SMIM14: variants seen among roughly 807,000 people sequenced by gnomAD.
SMIM14 encodes the protein chromosome 4 open reading frame 34.
SMIM14 carries 5 observed loss-of-function variants against 12.6 expected under a neutral mutation model. The observed-to-expected ratio is 0.40, with a 90% CI of 0.21 to 0.83. The LOEUF is 0.83. Ranked by LOEUF, SMIM14 falls within the 40% of genes least tolerant of loss-of-function variation. SMIM14 has a pLI of 0.37. For synonymous variants in SMIM14, 30 were observed against 40.1 expected (o/e 0.75, Z 0.95); for missense variants, 86 against 119.1 (o/e 0.72, Z 1.29).
chr4:39,554,057 T>C (rs1242263800), intron 4 of SMIM14, among the ~76,000 whole-genome samples: 1 of 152,156 alleles, frequency 6.6e-6, no homozygotes, highest in East Asian at 1.9e-4. Context: ...TTCTCTTATA[T>C]AAAAAATGAG....
At chr4:39,618,651 AAAAAAAAAAAAAAC>A (rs1377496835) in intron 1 of SMIM14, among the ~76,000 whole-genome samples, 1 of 143,138 alleles carries the variant, frequency 7.0e-6, no homozygotes, top group Non-Finnish European at 1.5e-5. Flanking sequence ...CTCCATCTCA[AAAAAAAAAAAAAAC>A]AAAAAAAAAA....
At chr4:39,596,412 T>A (rs904057642) in intron 2 of SMIM14, among the ~76,000 whole-genome samples, 1 of 152,084 alleles carries the variant, frequency 6.6e-6, no homozygotes, top group African/African-American at 2.4e-5. Context: ...TAGTGCTTTT[T>A]AAGGTGCTTA....
chr4:39,585,110 A>G lies in SMIM14; in HGVS notation c.76-12647T>C, dbSNP rs1307612763. On this transcript the variant is annotated intron_variant, in intron 2 of 4. Transcript: ENST00000295958. ...TTTCAATTATATATAAAAGTATATA[A>G]GTGCCTAGAAATGTGACTAAAAGGT... 3.3e-5 allele frequency among the ~76,000 whole-genome samples: 5 copies of G among 152,134 alleles called. No homozygotes were observed. In the South Asian group the frequency reaches 1.0e-3, roughly 32 times the overall value.
At chr4:39,584,805 A>AAAAAAAG (rs1385727350) in intron 2 of SMIM14, among the ~76,000 whole-genome samples, 1 of 149,840 alleles carries the variant, frequency 6.7e-6, no homozygotes, top group Non-Finnish European at 1.5e-5. Context: ...AAAAAAAAAA[A>AAAAAAAG]AAAAAAGAAA....
intron 3 of SMIM14, among the ~76,000 whole-genome samples, chr4:39,564,586 G>A (rs1050302862): frequency 6.6e-5 from 10 of 152,152 alleles, no homozygotes; most frequent in Non-Finnish European, 1.3e-4. Context: ...TGTGTTCTGC[G>A]AGGGTGCCCC....
intron 2 of SMIM14, among the ~76,000 whole-genome samples, chr4:39,602,326 G>A (rs1445015195): frequency 6.6e-6 from 1 of 151,980 alleles, no homozygotes; most frequent in African/African-American, 2.4e-5. Flanking sequence ...CGGGCGCAGT[G>A]GCTCACGCCT....
At chr4:39,620,660 T>C (rs959179839) in intron 1 of SMIM14, among the ~76,000 whole-genome samples, 1 of 152,176 alleles carries the variant, frequency 6.6e-6, no homozygotes, top group Non-Finnish European at 1.5e-5. Context: ...ATAAAAGTGC[T>C]TGTGAGCTGC....
At chr4:39,556,616 G>A (rs1449655049) in intron 3 of SMIM14, 46 bp from the exon 4 acceptor site, 1 of 1,500,798 alleles carries the variant, frequency 6.7e-7, no homozygotes, top group East Asian at 2.4e-5. Context: ...ATTGTTAAAA[G>A]TAAAAACAAA....
At chr4:39,634,916 T>A (rs968159632) in intron 1 of SMIM14, among the ~76,000 whole-genome samples, 1 of 152,236 alleles carries the variant, frequency 6.6e-6, no homozygotes, top group Admixed American at 6.5e-5. Flanking sequence ...TCAATCAACA[T>A]TCACTGAGTA....
At position 39,576,660 on chromosome 4, in the gene SMIM14, G is replaced by GTGTGTATATATATATATATATA. The variant is rs1339477098; in HGVS notation, c.76-4198_76-4197insTATATATATATATATATACACA. 1.2e-3 allele frequency among the ~76,000 whole-genome samples: 84 copies of GTGTGTATATATATATATATATA among 72,368 alleles called. 1 individual carries two copies. Among genetic ancestry groups the GTGTGTATATATATATATATATA allele is most frequent in the East Asian group, 9.7e-3 (21 of 2,170 alleles). 47.5% of individuals were successfully genotyped at this position (72,368 alleles called of 152,430 possible). A position where few individuals can be genotyped will look rare whatever the true frequency, so the allele number is the denominator to read the frequency against. ...CTTATACCTATGTGTGTGTGTATGT[G>GTGTGTATATATATATATATATA]TATATATATATATATATATATATAT... On this transcript the variant is annotated intron_variant, in intron 2 of 4. Transcript: ENST00000295958.
At chr4:39,604,329 G>A (rs1477839577) in intron 2 of SMIM14, among the ~76,000 whole-genome samples, 1 of 151,978 alleles carries the variant, frequency 6.6e-6, no homozygotes, top group Non-Finnish European at 1.5e-5. Context: ...TTGAGGTCAG[G>A]AGTTTGAGAC....
Position 39,548,776 on chromosome 4 carries a change from C to T in SMIM14, c.*3350G>A, listed in dbSNP as rs1711531063. 6.6e-6 allele frequency: 1 copy of T among 152,112 alleles called. No homozygotes were observed. Among genetic ancestry groups the T allele is most frequent in the South Asian group, 2.1e-4 (1 of 4,822 alleles). 9.4% of individuals were successfully genotyped at this position (152,112 alleles called of 1,614,324 possible). A position where few individuals can be genotyped will look rare whatever the true frequency, so the allele number is the denominator to read the frequency against. ...GAGAAATTTTACAAGAAACCCAAGA[C>T]TAAATACTTCATTAAGAACACTGGT... On this transcript the variant is annotated 3_prime_UTR_variant, in exon 5 of 5. Transcript: ENST00000295958.
rs1437674513 is a variant in SMIM14 at position 39,550,046 on chromosome 4, G to A, written c.*2080C>T. On this transcript the variant is annotated 3_prime_UTR_variant, in exon 5 of 5. Coordinates refer to ENST00000295958, the MANE Select transcript of SMIM14 (RefSeq NM_174921.3). ...GATCTAGAATGTAATCATAATAAAG[G>A]GGGGAAAATACCTTATGAGTATCAC... 2.6e-5 allele frequency: 4 copies of A among 152,094 alleles called. No homozygotes were observed. The East Asian group carries it at 7.7e-4, about 29-fold the overall frequency. 9.4% of individuals were successfully genotyped at this position (152,094 alleles called of 1,614,324 possible).
chr4:39,619,876 A>ATTTTTT (rs368919092), intron 1 of SMIM14, among the ~76,000 whole-genome samples: 2 of 115,868 alleles, frequency 1.7e-5, no homozygotes, highest in African/African-American at 6.9e-5. Context: ...ATATATATAT[A>ATTTTTT]TTTTTTTTTT....
At chr4:39,621,043 C>T (rs1219404153) in intron 1 of SMIM14, 1 of 152,060 alleles carries the variant, frequency 6.6e-6, no homozygotes, top group East Asian at 1.9e-4. Context: ...ATTTGTCTAG[C>T]AGGCTTTCCG....
chr4:39,580,315 G>C (rs370615354), intron 2 of SMIM14, among the ~76,000 whole-genome samples: 1 of 152,042 alleles, frequency 6.6e-6, no homozygotes, highest in East Asian at 1.9e-4. Flanking sequence ...GAGTAGTGGG[G>C]ACCACAGATG....
At chr4:39,587,535 T>A (rs575757229) in intron 2 of SMIM14, among the ~76,000 whole-genome samples, 1 of 149,470 alleles carries the variant, frequency 6.7e-6, no homozygotes. Flanking sequence ...TAGAAAGATG[T>A]GTGTCTATAC....
chr4:39,583,685 A>C (rs1333406194), intron 2 of SMIM14, among the ~76,000 whole-genome samples: 2 of 152,118 alleles, frequency 1.3e-5, no homozygotes, highest in Non-Finnish European at 2.9e-5. Flanking sequence ...CATTTTAGTT[A>C]ATGTGTTCCA....
At chr4:39,557,097 C>G (rs1712054708) in intron 3 of SMIM14, among the ~76,000 whole-genome samples, 1 of 151,126 alleles carries the variant, frequency 6.6e-6, no homozygotes, top group Non-Finnish European at 1.5e-5. Context: ...TCACTGCAAC[C>G]TCTGCCTCCC....
Sources: gnomAD v4.1 joint callset for allele counts (sites outside exome capture counted in the v4.1 genomes callset) on GRCh38, gnomAD v4.1.1 for gene constraint, MANE v1.5 for transcripts, NCBI Gene and HGNC (gene_info 2026-07-23, HGNC 2026-07-21) for gene names.